The following PPP1R9A variants were observed in gnomAD, a reference collection of about 807,000 sequenced individuals.
The protein encoded by PPP1R9A is protein phosphatase 1 regulatory subunit 9A.
In PPP1R9A, 59 loss-of-function variants were observed where a neutral mutation model predicts 141.9. The observed-to-expected ratio is 0.42, with a 90% CI of 0.34 to 0.52. The LOEUF (loss-of-function observed/expected upper bound fraction) is 0.52. Ranked by LOEUF, PPP1R9A falls within the 20% of genes least tolerant of loss-of-function variation. The probability of loss-of-function intolerance (pLI) is 0.10; values close to 1 mark genes in which losing one functional copy is unlikely to be tolerated. For missense variants in PPP1R9A, 1,444 were observed against 1,611.9 expected (o/e 0.90, Z 1.78); for synonymous variants, 500 against 569.7 (o/e 0.88, Z 1.74).
intron 9 of PPP1R9A, among the ~76,000 whole-genome samples, chr7:95,248,206 A>G (rs1239905994): frequency 1.8e-5 from 1 of 54,654 alleles, no homozygotes; most frequent in Non-Finnish European, 4.2e-5. Context: ...ATTTTAAATT[A>G]CTTTTAAAGC....
Position 95,161,672 on chromosome 7 carries a change from A to G in PPP1R9A, c.1650-195A>G, listed in dbSNP as rs568790448. ...TATTTTTTCAAAATATTTTATATCC[A>G]CAATTGGTTGAATCCACAAATGTGG... On this transcript the variant is annotated intron_variant, in intron 4 of 19. Transcript: ENST00000433360. 1.6e-3 allele frequency among the ~76,000 whole-genome samples: 240 copies of G among 152,282 alleles called. 1 individual carries two copies. Among genetic ancestry groups the G allele is most frequent in the Non-Finnish European group, 2.6e-3 (176 of 68,020 alleles).
intron 7 of PPP1R9A, among the ~76,000 whole-genome samples, chr7:95,208,967 A>AAAAAAAAAC (rs1554562119): frequency 6.7e-6 from 1 of 149,298 alleles, no homozygotes; most frequent in African/African-American, 2.4e-5. Flanking sequence ...AAAAAAAAAA[A>AAAAAAAAAC]AAAAAAAAAA....
chr7:95,068,378 G>C (rs943156217), intron 2 of PPP1R9A, among the ~76,000 whole-genome samples: 2 of 145,618 alleles, frequency 1.4e-5, no homozygotes, highest in African/African-American at 5.0e-5. Flanking sequence ...GCTGAGGCAG[G>C]AGAATTGCTT....
At chr7:95,200,688 T>C (rs187473755) in intron 6 of PPP1R9A, among the ~76,000 whole-genome samples, 137 of 152,192 alleles carry the variant, frequency 9.0e-4, no homozygotes, top group African/African-American at 2.9e-3. Context: ...TGTTTATAGA[T>C]TTTTTTTGTT....
At chr7:94,984,400 G>A (rs538500129) in intron 2 of PPP1R9A, among the ~76,000 whole-genome samples, 1 of 152,218 alleles carries the variant, frequency 6.6e-6, no homozygotes. Flanking sequence ...AGTTTCAAAA[G>A]GAATGGGACC....
intron 12 of PPP1R9A, among the ~76,000 whole-genome samples, chr7:95,257,339 T>C (rs1799732029): frequency 1.3e-5 from 2 of 152,040 alleles, no homozygotes; most frequent in South Asian, 4.1e-4. Context: ...TGCAGTTCTG[T>C]GGGTAAAGGA....
intron 7 of PPP1R9A, among the ~76,000 whole-genome samples, chr7:95,208,675 G>T (rs546502396): frequency 6.6e-6 from 1 of 150,758 alleles, no homozygotes; most frequent in South Asian, 2.1e-4. Context: ...AGTGAGCCGA[G>T]ATCACACCAC....
At chr7:95,230,067 A>G (rs1285513608) in intron 8 of PPP1R9A, among the ~76,000 whole-genome samples, 2 of 152,150 alleles carry the variant, frequency 1.3e-5, no homozygotes, top group African/African-American at 4.8e-5. Flanking sequence ...AGCAAAAATA[A>G]TCACTACATT....
chr7:94,909,174 G>C (rs1791166557), intron 1 of PPP1R9A, among the ~76,000 whole-genome samples: 1 of 152,144 alleles, frequency 6.6e-6, no homozygotes, highest in Non-Finnish European at 1.5e-5. Context: ...CAGTATATTT[G>C]CTTTCTGATT....
In PPP1R9A at chr7:95,054,447, A is replaced by G. The variant is rs546798454; in HGVS notation, c.1396-56812A>G. ...GCTTTTATTTTGGATTTAATTCTAT[A>G]TCATTACCGTACATTGTCTGGAACT... On this transcript the variant is annotated intron_variant, in intron 2 of 19. Coordinates refer to ENST00000433360, the MANE Select transcript of PPP1R9A (RefSeq NM_001166160.2). Among the ~76,000 whole-genome samples the G allele has an allele frequency of 3.3e-5, 5 of 152,128 alleles. No individual in the cohort carries two copies. In the East Asian group the frequency reaches 9.7e-4, roughly 29 times the overall value.
At chr7:94,944,487 A>G (rs548683139) in intron 2 of PPP1R9A, among the ~76,000 whole-genome samples, 29 of 138,390 alleles carry the variant, frequency 2.1e-4, no homozygotes, top group East Asian at 1.9e-3. Context: ...ATTACTATCT[A>G]TGCCTGGGAA....
At chr7:95,186,577 G>A (rs1221148931) in intron 5 of PPP1R9A, among the ~76,000 whole-genome samples, 2 of 152,054 alleles carry the variant, frequency 1.3e-5, no homozygotes, top group Non-Finnish European at 1.5e-5. Context: ...GTCAAAGTGG[G>A]CATCTTTTTC....
In PPP1R9A at chr7:95,296,189, T is replaced by G. The variant is rs1012335431; in HGVS notation, c.*5886T>G. On this transcript the variant is annotated 3_prime_UTR_variant, in exon 20 of 20. Coordinates refer to ENST00000433360, the MANE Select transcript of PPP1R9A (RefSeq NM_001166160.2). ...GAATTGTTCTCTTGTGCTTGGTTAA[T>G]ATGTACTTCTCTAGATTGTTCAAAA... The G allele has an allele frequency of 1.3e-5, 2 of 152,660 alleles. No homozygotes were observed. The highest frequency in any genetic ancestry group is 2.9e-5 in the Non-Finnish European group (2 of 68,048). The allele number at this position is 152,660 out of a possible 1,614,324, so 9.5% of individuals were successfully genotyped here.
chr7:95,260,151 T>C (rs899029653), intron 12 of PPP1R9A, among the ~76,000 whole-genome samples: 4 of 152,216 alleles, frequency 2.6e-5, no homozygotes, highest in African/African-American at 7.2e-5. Context: ...GGCCAAAATC[T>C]GTCCTCTTAC....
chr7:95,068,547 G>T (rs899406978), intron 2 of PPP1R9A, among the ~76,000 whole-genome samples: 2 of 148,562 alleles, frequency 1.3e-5, no homozygotes, highest in Non-Finnish European at 3.0e-5. Context: ...CTTCCAAATA[G>T]CCTGGGTTAG....
At chr7:95,047,786 TG>T (rs1395504259) in intron 2 of PPP1R9A, among the ~76,000 whole-genome samples, 2 of 152,190 alleles carry the variant, frequency 1.3e-5, no homozygotes, top group African/African-American at 4.8e-5. Flanking sequence ...GACACATTCT[TG>T]GGGTAGCTTT....
rs377073347 is a variant in PPP1R9A, at chr7:94,995,943, T to C, written c.1395+84435T>C. Among the ~76,000 whole-genome samples, 75 of 152,312 alleles carry C rather than the reference T, an allele frequency of 4.9e-4. 2 individuals are homozygous for C. In the South Asian group the frequency reaches 0.013, roughly 27 times the overall value. ...TTTTTTCTGGGATGCACTTAAGTTA[T>C]ATAGAAATAATTTTATCCTTTTGGA... On this transcript the variant is annotated intron_variant, in intron 2 of 19. Coordinates refer to ENST00000433360, the MANE Select transcript of PPP1R9A (RefSeq NM_001166160.2).
intron 2 of PPP1R9A, among the ~76,000 whole-genome samples, chr7:94,956,781 C>T (rs1245987826): frequency 1.3e-5 from 2 of 152,070 alleles, no homozygotes; most frequent in African/African-American, 2.4e-5. Context: ...TTTAATTTCA[C>T]AGTTACTGGC....
chr7:95,134,766 AT>A (rs1318095479), intron 4 of PPP1R9A, among the ~76,000 whole-genome samples: 2 of 152,128 alleles, frequency 1.3e-5, no homozygotes, highest in African/African-American at 4.8e-5. Flanking sequence ...ATTCAAACAC[AT>A]TTGTGAGTGG....
Sources: gnomAD v4.1 joint callset for allele counts (sites outside exome capture counted in the v4.1 genomes callset) on GRCh38, gnomAD v4.1.1 for gene constraint, MANE v1.5 for transcripts, NCBI Gene and HGNC (gene_info 2026-07-23, HGNC 2026-07-21) for gene names.